TSPAN7: variants seen among roughly 807,000 people sequenced by gnomAD.
The protein encoded by TSPAN7 is tetraspanin 7, also known as tetraspanin-7.
A neutral mutation model predicts 17.6 loss-of-function variants in TSPAN7; 1 was observed. The observed-to-expected ratio is 0.06, with a 90% confidence interval of 0.02 to 0.27. The LOEUF is 0.27. Among genes scored for constraint, TSPAN7 ranks in the 10% least tolerant of loss-of-function variants. The probability of loss-of-function intolerance (pLI) is 1.00; values close to 1 mark genes in which losing one functional copy is unlikely to be tolerated. For missense variants in TSPAN7, 112 were observed against 201.7 expected (o/e 0.56, Z 2.69); for synonymous variants, 78 against 79.0 (o/e 0.99, Z 0.07).
intron 6 of TSPAN7, among the ~76,000 whole-genome samples, chrX:38,684,313 T>C (rs2069912379): frequency 9.0e-6 from 1 of 111,601 alleles, no homozygotes; most frequent in Admixed American, 9.5e-5. Flanking sequence ...CACTTCTCTC[T>C]ACAAACGTCC....
At chrX:38,663,178 C>CAG (rs1158357999) in intron 1 of TSPAN7, among the ~76,000 whole-genome samples, 1 of 99,482 alleles carries the variant, frequency 1.0e-5, no homozygotes, top group East Asian at 2.9e-4. Flanking sequence ...CACACACACA[C>CAG]ACAGACACAC....
At chrX:38,568,814 T>C (rs1024101956) in intron 1 of TSPAN7, among the ~76,000 whole-genome samples, 1 of 111,234 alleles carries the variant, frequency 9.0e-6, no homozygotes, top group Admixed American at 9.6e-5. Flanking sequence ...TTCTATTTTC[T>C]ACCTCTTTTT....
intron 1 of TSPAN7, among the ~76,000 whole-genome samples, chrX:38,577,827 C>T (rs2069204756): frequency 1.8e-5 from 2 of 108,375 alleles, no homozygotes; most frequent in Non-Finnish European, 3.8e-5. Context: ...AAAAAAGAGA[C>T]GTGGTTGGTG....
At chrX:38,644,177 G>A (rs2069631877) in intron 1 of TSPAN7, among the ~76,000 whole-genome samples, 1 of 111,953 alleles carries the variant, frequency 8.9e-6, no homozygotes, top group Admixed American at 9.4e-5. Flanking sequence ...GTGATGTATA[G>A]GCTAAAATTA....
chrX:38,583,437 C>T (rs770384398), intron 1 of TSPAN7, among the ~76,000 whole-genome samples: 2 of 112,108 alleles, frequency 1.8e-5, no homozygotes, highest in Admixed American at 9.5e-5. Context: ...AATTACTCAT[C>T]GCATTTATTC....
At position 38,671,419 on chromosome X, in the gene TSPAN7, C is replaced by G; in HGVS notation, c.314C>G (p.Ala105Gly). 6 of 1,211,314 alleles carry G rather than the reference C, an allele frequency of 5.0e-6. No homozygotes were observed. Among genetic ancestry groups the G allele is most frequent in the African/African-American group, 1.7e-5 (1 of 57,692 alleles). ...LSLVFLAELV[A>G]GISGFVFRHE... ...CTGGTGTTCCTGGCTGAGCTCGTAGCTGGCATTTCAGGGTTTGTGTTTCGT... is the reference window on the plus strand; with the variant it reads ...CTGGTGTTCCTGGCTGAGCTCGTAGGTGGCATTTCAGGGTTTGTGTTTCGT... The change falls in exon 3 of 8, where the codon GCT becomes GGT. Residue 105 changes from alanine (A) to glycine (G), a missense_variant. By Grantham distance (60) the Ala-to-Gly change is moderately conservative. Coordinates refer to ENST00000378482, the MANE Select transcript of TSPAN7 (RefSeq NM_004615.4).
intron 1 of TSPAN7, among the ~76,000 whole-genome samples, chrX:38,651,621 G>A (rs1372134082): frequency 3.6e-5 from 4 of 112,196 alleles, no homozygotes; most frequent in South Asian, 3.7e-4. Context: ...GCTGAGCAGC[G>A]ATGGGGCAGG....
At chrX:38,608,971 G>A (rs986397620) in intron 1 of TSPAN7, among the ~76,000 whole-genome samples, 2 of 111,691 alleles carry the variant, frequency 1.8e-5, no homozygotes, top group East Asian at 5.6e-4. Flanking sequence ...TTGCTATTAA[G>A]CAATGTTATG....
chrX:38,654,910 G>T (rs1430880376), intron 1 of TSPAN7, among the ~76,000 whole-genome samples: 3 of 112,109 alleles, frequency 2.7e-5, no homozygotes, highest in African/African-American at 9.7e-5. Flanking sequence ...GCTCATGGAG[G>T]AGCAGAGACC....
At chrX:38,614,289 G>A (rs189963555) in intron 1 of TSPAN7, among the ~76,000 whole-genome samples, 61 of 111,868 alleles carry the variant, frequency 5.5e-4, no homozygotes, top group Middle Eastern at 4.6e-3. Context: ...CTTTGTGCCA[G>A]GTACTGTTGT....
At chrX:38,661,323 T>C (rs923821536) in intron 1 of TSPAN7, among the ~76,000 whole-genome samples, 9 of 112,899 alleles carry the variant, frequency 8.0e-5, no homozygotes, top group Admixed American at 1.9e-4. Context: ...TTTAAAGTAA[T>C]ATGTATCATC....
chrX:38,653,708 C>T (rs2147442555), intron 1 of TSPAN7, among the ~76,000 whole-genome samples: 2 of 112,380 alleles, frequency 1.8e-5, no homozygotes, highest in South Asian at 7.4e-4. Context: ...TGGAGTGGAA[C>T]ATGCTTTCAT....
At chrX:38,670,463 C>T (rs2069813765) in intron 2 of TSPAN7, among the ~76,000 whole-genome samples, 1 of 112,039 alleles carries the variant, frequency 8.9e-6, no homozygotes, top group African/African-American at 3.2e-5. Flanking sequence ...GCACTAAAGG[C>T]GTTAGATGCT....
intron 5 of TSPAN7, among the ~76,000 whole-genome samples, chrX:38,680,980 G>C (rs1160244019): frequency 8.9e-6 from 1 of 111,887 alleles, no homozygotes; most frequent in Non-Finnish European, 1.9e-5. Flanking sequence ...ATGTTAATTT[G>C]TGATGTTAGG....
intron 1 of TSPAN7, among the ~76,000 whole-genome samples, chrX:38,585,207 C>A (rs935331872): frequency 8.9e-6 from 1 of 111,899 alleles, no homozygotes; most frequent in Non-Finnish European, 1.9e-5. Flanking sequence ...GCATCTTTAA[C>A]TTAATATGTA....
intron 1 of TSPAN7, among the ~76,000 whole-genome samples, chrX:38,585,179 G>A (rs926053575): frequency 5.4e-5 from 6 of 111,711 alleles, no homozygotes; most frequent in African/African-American, 2.0e-4. Context: ...CCTGTTGAAC[G>A]TGTGTGAAGA....
intron 1 of TSPAN7, among the ~76,000 whole-genome samples, chrX:38,579,579 AAAT>A (rs774572914): frequency 2.7e-5 from 3 of 111,068 alleles, no homozygotes; most frequent in Admixed American, 9.6e-5. Flanking sequence ...GTGTCTCAAA[AAAT>A]AATAATAATA....
intron 1 of TSPAN7, among the ~76,000 whole-genome samples, chrX:38,652,300 A>G (rs1195775396): frequency 1.8e-5 from 2 of 112,063 alleles, no homozygotes; most frequent in Admixed American, 1.9e-4. Flanking sequence ...CAATAGTCAG[A>G]ATGAGAACAG....
chrX:38,641,890 T>G (rs996204955), intron 1 of TSPAN7, among the ~76,000 whole-genome samples: 2 of 111,939 alleles, frequency 1.8e-5, no homozygotes, highest in Non-Finnish European at 3.8e-5. Flanking sequence ...CCTCTTACCA[T>G]TTTTTCTCAG....
Sources: allele counts gnomAD v4.1 joint callset (sites outside exome capture counted in the v4.1 genomes callset), GRCh38; gene constraint gnomAD v4.1.1; transcripts MANE v1.5; gene names NCBI Gene and HGNC (gene_info 2026-07-23, HGNC 2026-07-21).